The following PPARGC1A variants were observed in gnomAD, a reference collection of about 807,000 sequenced individuals.
The protein encoded by PPARGC1A is peroxisome proliferator-activated receptor gamma coactivator 1-alpha.
A neutral mutation model predicts 88.7 loss-of-function variants in PPARGC1A; 25 were observed. The ratio of observed to expected loss-of-function variants is 0.28; its 90% confidence interval spans 0.21 to 0.39. The LOEUF (loss-of-function observed/expected upper bound fraction) is 0.39, where lower values mean the gene tolerates loss of function less well. PPARGC1A is among the 10% of genes least tolerant of loss of function. The probability of loss-of-function intolerance (pLI) is 1.00; values close to 1 mark genes in which losing one functional copy is unlikely to be tolerated. For missense variants in PPARGC1A, 880 were observed against 968.7 expected, an observed-to-expected ratio of 0.91 and a Z score of 1.22; for synonymous variants, 363 against 355.6, an observed-to-expected ratio of 1.02 and a Z score of -0.24.
chr4:23,900,708 T>C (rs1241962198), upstream of PPARGC1A, among the ~76,000 whole-genome samples: 1 of 152,206 alleles, frequency 6.6e-6, no homozygotes, highest in African/African-American at 2.4e-5. Context: ...GTAAGTCGAC[T>C]TTCTATGAGG....
At chr4:24,024,986 G>A in the PPARGC1A span, among the ~76,000 whole-genome samples, 1 of 152,134 alleles carries the variant, frequency 6.6e-6, no homozygotes, top group Non-Finnish European at 1.5e-5. Context: ...TAGAAGTAAC[G>A]ACATGTTACT....
the PPARGC1A span, among the ~76,000 whole-genome samples, chr4:24,010,123 C>T: frequency 2.6e-5 from 4 of 152,156 alleles, no homozygotes; most frequent in Non-Finnish European, 4.4e-5. Flanking sequence ...CAAATATTGG[C>T]CTCTCCTATT....
At chr4:24,376,285 C>T in the PPARGC1A span, among the ~76,000 whole-genome samples, 1 of 152,146 alleles carries the variant, frequency 6.6e-6, no homozygotes. Context: ...AGGTATTTAC[C>T]GCAAGTCCTA....
the PPARGC1A span, among the ~76,000 whole-genome samples, chr4:23,940,182 G>A: frequency 1.3e-5 from 2 of 152,078 alleles, no homozygotes; most frequent in Non-Finnish European, 2.9e-5. Flanking sequence ...CATGTATTAA[G>A]TACCTTCTTT....
intron 3 of PPARGC1A, among the ~76,000 whole-genome samples, chr4:23,830,844 C>G (rs1467295352): frequency 1.3e-5 from 2 of 152,116 alleles, no homozygotes; most frequent in African/African-American, 4.8e-5. Flanking sequence ...TCTTCATTTC[C>G]AACAAATTCA....
chr4:24,264,783 G>A, the PPARGC1A span, among the ~76,000 whole-genome samples: 1 of 152,242 alleles, frequency 6.6e-6, no homozygotes, highest in Non-Finnish European at 1.5e-5. Context: ...CATGCACCCA[G>A]AGCAGGTGTA....
chr4:24,467,334 G>A, the PPARGC1A span, among the ~76,000 whole-genome samples: 1 of 152,174 alleles, frequency 6.6e-6, no homozygotes, highest in Admixed American at 6.5e-5. Flanking sequence ...AGGTAAGAAC[G>A]TAGAAATGCA....
At chr4:24,437,579 G>A in the PPARGC1A span, among the ~76,000 whole-genome samples, 1 of 150,746 alleles carries the variant, frequency 6.6e-6, no homozygotes, top group African/African-American at 2.4e-5. Context: ...GTAAGTAAGG[G>A]AAAGGCACAG....
the PPARGC1A span, among the ~76,000 whole-genome samples, chr4:24,306,190 C>A: frequency 6.6e-6 from 1 of 152,064 alleles, no homozygotes; most frequent in Non-Finnish European, 1.5e-5. Flanking sequence ...AGTCATCCAG[C>A]TAATTAAAAA....
At chr4:24,296,002 G>GTATGTGTGCATA in the PPARGC1A span, among the ~76,000 whole-genome samples, 2 of 149,518 alleles carry the variant, frequency 1.3e-5, no homozygotes, top group Admixed American at 6.7e-5. Context: ...ATATGTGTAT[G>GTATGTGTGCATA]TATGTGTGTA....
the PPARGC1A span, among the ~76,000 whole-genome samples, chr4:24,446,509 C>T: frequency 4.0e-5 from 6 of 151,254 alleles, no homozygotes; most frequent in African/African-American, 1.2e-4. Flanking sequence ...ACTATTTTAG[C>T]GAAGTAACAG....
chr4:24,013,497 T>C, the PPARGC1A span, among the ~76,000 whole-genome samples: 1 of 152,152 alleles, frequency 6.6e-6, no homozygotes, highest in South Asian at 2.1e-4. Context: ...TGGTCATTTT[T>C]GCCTACTTGC....
chr4:24,223,035 G>A, the PPARGC1A span, among the ~76,000 whole-genome samples: 2 of 152,032 alleles, frequency 1.3e-5, no homozygotes, highest in Non-Finnish European at 2.9e-5. Flanking sequence ...TACCTTTTGC[G>A]TAACAGTGTA....
At chr4:24,207,159 T>C in the PPARGC1A span, among the ~76,000 whole-genome samples, 204 of 152,164 alleles carry the variant, frequency 1.3e-3, 2 homozygotes, top group African/African-American at 4.1e-3. Context: ...CAAGGCAAAA[T>C]GGGAGATCCT....
At chr4:23,948,819 T>G in the PPARGC1A span, among the ~76,000 whole-genome samples, 1 of 152,194 alleles carries the variant, frequency 6.6e-6, no homozygotes, top group African/African-American at 2.4e-5. Flanking sequence ...AGAGGCCTGA[T>G]GGACTTTGTT....
chr4:23,889,281 C>G, intron 1 of PPARGC1A: 1 of 985,424 alleles, frequency 1.0e-6, no homozygotes, highest in Non-Finnish European at 1.2e-6. Context: ...AAACCTTGCA[C>G]TGCCAGGCGT....
the PPARGC1A span, among the ~76,000 whole-genome samples, chr4:24,429,342 G>A: frequency 6.6e-6 from 1 of 151,984 alleles, no homozygotes; most frequent in Admixed American, 6.6e-5. Flanking sequence ...CAGGCCCTTT[G>A]CTAGATGCCA....
At chr4:23,810,965 C>G (rs926053891) in intron 10 of PPARGC1A, among the ~76,000 whole-genome samples, 1 of 152,130 alleles carries the variant, frequency 6.6e-6, no homozygotes, top group African/African-American at 2.4e-5. Flanking sequence ...CATTAGTCTT[C>G]GTAAGTGTTA....
At chr4:23,885,418 T>C (rs1275143661) in intron 1 of PPARGC1A, among the ~76,000 whole-genome samples, 2 of 152,198 alleles carry the variant, frequency 1.3e-5, no homozygotes, top group African/African-American at 4.8e-5. Context: ...TTTTCTCCAT[T>C]TACACTCCTT....
Sources: gnomAD v4.1 joint callset for allele counts (sites outside exome capture counted in the v4.1 genomes callset) on GRCh38, gnomAD v4.1.1 for gene constraint, MANE v1.5 for transcripts, NCBI Gene and HGNC (gene_info 2026-07-23, HGNC 2026-07-21) for gene names.